The following GFM2 variants were observed in gnomAD, a reference collection of about 807,000 sequenced individuals.
The protein encoded by GFM2 is ribosome-releasing factor 2, mitochondrial.
GFM2 carries 72 observed loss-of-function variants against 95.4 expected under a neutral mutation model. The observed-to-expected ratio is 0.76, with a 90% CI of 0.62 to 0.92. The LOEUF is 0.92. Ranked by LOEUF, GFM2 falls within the 40% of genes least tolerant of loss-of-function variation. The pLI, the probability that GFM2 is intolerant of heterozygous loss-of-function variation, is 0.00. For synonymous variants in GFM2, 276 were observed against 317.5 expected (o/e 0.87, Z 1.39); for missense variants, 825 against 924.1 (o/e 0.89, Z 1.39).
At chr5:74,747,345 T>C (rs1743438962) in intron 8 of GFM2, among the ~76,000 whole-genome samples, 1 of 152,198 alleles carries the variant, frequency 6.6e-6, no homozygotes, top group Admixed American at 6.5e-5. Context: ...TCTTTAGCGA[T>C]GATGGGAAGC....
intron 1 of GFM2, among the ~76,000 whole-genome samples, chr5:74,765,421 A>C (rs992150623): frequency 2.6e-5 from 4 of 152,176 alleles, no homozygotes; most frequent in Non-Finnish European, 5.9e-5. Flanking sequence ...CTCTCCCATG[A>C]TGATAGGGTG....
chr5:74,730,662 C>T (rs1742514349), intron 16 of GFM2: 1 of 273,856 alleles, frequency 3.7e-6, no homozygotes, highest in Admixed American at 5.0e-5. Flanking sequence ...TAGCATCTGG[C>T]TAAGACTAAT....
chr5:74,746,087 T>C lies in GFM2; in HGVS notation c.669+18A>G, dbSNP rs568778147. The C allele has an allele frequency of 2.5e-5, 37 of 1,496,576 alleles. No homozygotes were observed. The highest frequency in any genetic ancestry group is 2.8e-5 in the African/African-American group (2 of 70,750). The allele number at this position is 1,496,576 out of a possible 1,614,324, so 92.7% of individuals were successfully genotyped here. Reference sequence around the variant, plus strand: ...AATGAGGAAACTGAGAAGAAGCTGATGCTATTAACCAATTTACCTGTAAAA... The same window carrying C: ...AATGAGGAAACTGAGAAGAAGCTGACGCTATTAACCAATTTACCTGTAAAA... On this transcript the variant is annotated intron_variant, in intron 9 of 20. Coordinates refer to ENST00000296805, the MANE Select transcript of GFM2 (RefSeq NM_032380.5).
chr5:74,747,925 AG>A, intron 7 of GFM2, 145 bp from the exon 8 acceptor site: 1 of 571,522 alleles, frequency 1.7e-6, no homozygotes, highest in Non-Finnish European at 3.1e-6. Context: ...TTATATTTTT[AG>A]GGTCACTCTT....
chr5:74,747,576 T>TA (rs1743448802), intron 8 of GFM2, 116 bp downstream of exon 8: 1 of 605,294 alleles, frequency 1.7e-6, no homozygotes, highest in African/African-American at 1.9e-5. Context: ...ATGGAATATT[T>TA]ATACCCTATA....
In GFM2 at chr5:74,740,037, G is replaced by GC; in HGVS notation, c.1030dup (p.Ala344GlyfsTer10). 1 of 1,601,174 alleles carries GC rather than the reference G, an allele frequency of 6.2e-7. No individual in the cohort carries two copies. The highest frequency in any genetic ancestry group is 1.1e-5 in the South Asian group (1 of 88,676). ...AGGTGAAGGTAAGTACATAGTAACA[G>GC]CATCTAACAAGGGCTGTATCCCTTT... On this transcript the variant is annotated frameshift_variant, in exon 12 of 21. Coordinates refer to ENST00000296805, the MANE Select transcript of GFM2 (RefSeq NM_032380.5). LOFTEE classifies it high-confidence loss of function.
chr5:74,738,740 T>G (rs1283969402), intron 12 of GFM2, 98 bp from the exon 13 acceptor site: 1 of 1,021,806 alleles, frequency 9.8e-7, no homozygotes, highest in Non-Finnish European at 1.4e-6. Context: ...TATCTTCTAG[T>G]AGAGCTACTT....
chr5:74,761,089 A>G (rs1744260533), intron 2 of GFM2, 103 bp from the exon 3 acceptor site: 1 of 694,656 alleles, frequency 1.4e-6, no homozygotes, highest in East Asian at 2.6e-5. Flanking sequence ...AATATTTTGT[A>G]TAGCTTTAAA....
Position 74,733,067 on chromosome 5 carries a change from A to C in GFM2, c.1542T>G (p.Arg514=). 1 of 1,612,832 alleles carries C rather than the reference A, an allele frequency of 6.2e-7. No homozygotes were observed. Among genetic ancestry groups the C allele is most frequent in the African/African-American group, 1.3e-5 (1 of 74,966 alleles). The change falls in exon 16 of 21, where the codon CGT becomes CGG. Residue 514 remains arginine, a synonymous_variant. Transcript: ENST00000296805. ...DLEHALKCLQ[R]EDPSLKVRLD... is the part of the protein sequence containing the mutation. ...GCCTCACTTTCAAACTGGGATCTTC[A>C]CGCTGAAGACATTTCAACGCATGTT... is the stretch of plus-strand genomic sequence containing the variant.
intron 1 of GFM2, among the ~76,000 whole-genome samples, chr5:74,764,807 A>G (rs1561267862): frequency 2.0e-5 from 2 of 100,284 alleles, no homozygotes; most frequent in African/African-American, 9.2e-5. Context: ...TTTTTTTGAG[A>G]CAGGGTCTTG....
At chr5:74,756,501 G>A (rs1038187246) in intron 5 of GFM2, among the ~76,000 whole-genome samples, 22 of 152,126 alleles carry the variant, frequency 1.4e-4, no homozygotes, top group Non-Finnish European at 2.8e-4. Flanking sequence ...GCGTGGTCAA[G>A]TATCTTTTTC....
chr5:74,729,819 C>G (rs572767197), intron 17 of GFM2, among the ~76,000 whole-genome samples: 1 of 151,868 alleles, frequency 6.6e-6, no homozygotes, highest in South Asian at 2.1e-4. Context: ...TGAGTTTTTA[C>G]ATTTGGGAAT....
intron 7 of GFM2, 27 bp from the exon 8 acceptor site, chr5:74,747,807 C>A (rs1332417032): frequency 2.3e-6 from 3 of 1,300,188 alleles, no homozygotes; most frequent in Non-Finnish European, 2.2e-6. Flanking sequence ...GAAAAAAATA[C>A]ATACTGAACA....
chr5:74,753,697 C>A (rs186931002), intron 5 of GFM2, among the ~76,000 whole-genome samples: 1 of 152,122 alleles, frequency 6.6e-6, no homozygotes, highest in Non-Finnish European at 1.5e-5. Context: ...ATGAACAAAG[C>A]CTCTAAGAAG....
intron 11 of GFM2, among the ~76,000 whole-genome samples, 172 bp downstream of exon 11, chr5:74,741,357 A>G (rs946461385): frequency 6.6e-6 from 1 of 152,150 alleles, no homozygotes; most frequent in East Asian, 1.9e-4. Flanking sequence ...ATCACTGCCA[A>G]TAAGTATTGT....
At chr5:74,747,834 T>C (rs780044170) in intron 7 of GFM2, 54 bp from the exon 8 acceptor site, 102 of 1,006,002 alleles carry the variant, frequency 1.0e-4, no homozygotes, top group Non-Finnish European at 1.4e-4. Context: ...ACTATGTTAC[T>C]AGACCTGGAA....
At chr5:74,743,477 T>A (rs1224664529) in intron 10 of GFM2, among the ~76,000 whole-genome samples, 2 of 152,226 alleles carry the variant, frequency 1.3e-5, no homozygotes, top group African/African-American at 4.8e-5. Context: ...GTAAATTTTA[T>A]ACATACTTAT....
At chr5:74,733,782 C>G (rs972744488) in intron 15 of GFM2, among the ~76,000 whole-genome samples, 6 of 152,032 alleles carry the variant, frequency 3.9e-5, no homozygotes, top group African/African-American at 1.4e-4. Flanking sequence ...AAGTAAAATG[C>G]CTTCAGAAAA....
intron 5 of GFM2, among the ~76,000 whole-genome samples, chr5:74,753,986 T>C (rs902955485): frequency 3.3e-5 from 5 of 152,018 alleles, no homozygotes; most frequent in Non-Finnish European, 7.4e-5. Context: ...AACCTATAAA[T>C]AAAAACCTAT....
Sources: allele counts gnomAD v4.1 joint callset (sites outside exome capture counted in the v4.1 genomes callset), GRCh38; gene constraint gnomAD v4.1.1; transcripts MANE v1.5; gene names NCBI Gene and HGNC (gene_info 2026-07-23, HGNC 2026-07-21).